The following VPS8 variants were observed in gnomAD, a reference collection of about 807,000 sequenced individuals.
The protein encoded by VPS8 is VPS8 subunit of CORVET complex, also known as vacuolar protein sorting-associated protein 8 homolog.
VPS8 carries 129 observed loss-of-function variants against 216.4 expected under a neutral mutation model. The ratio of observed to expected loss-of-function variants is 0.60; its 90% CI spans 0.52 to 0.69. The LOEUF is 0.69. Ranked by LOEUF, VPS8 falls within the 30% of genes least tolerant of loss-of-function variation. VPS8 has a pLI of 0.00. For missense variants in VPS8, 1,531 were observed against 1,683.5 expected (o/e 0.91, Z 1.59); for synonymous variants, 571 against 565.4 (o/e 1.01, Z -0.14).
intron 45 of VPS8, among the ~76,000 whole-genome samples, chr3:185,013,770 C>T (rs1421574160): frequency 6.6e-6 from 1 of 152,234 alleles, no homozygotes; most frequent in Admixed American, 6.5e-5. Context: ...CTTACCATTT[C>T]TACCATCTGA....
chr3:184,824,701 GA>G lies in VPS8; in HGVS notation c.71del (p.Asn24IlefsTer6). On this transcript the variant is annotated frameshift_variant, in exon 2 of 48. Transcript: ENST00000625842. LOFTEE classifies it high-confidence loss of function. ...GTGCCAAGACGAGCGAAGAAGAGCT[GA>G]ATAAGTCTTTCAATCTAGAAGCTTC... ...LCAKTSEEEL[N>X]KSFNLEASLS... The G allele has an allele frequency of 6.2e-7, 1 of 1,613,902 alleles. No homozygotes were observed. Among genetic ancestry groups the G allele is most frequent in the Non-Finnish European group, 8.5e-7 (1 of 1,179,864 alleles).
chr3:184,863,822 A>G (rs1212187260), intron 16 of VPS8, among the ~76,000 whole-genome samples: 1 of 152,200 alleles, frequency 6.6e-6, no homozygotes, highest in Non-Finnish European at 1.5e-5. Context: ...GTCATATTTA[A>G]TGAGTGACTA....
At chr3:184,837,747 T>C (rs1274458572) in intron 5 of VPS8, among the ~76,000 whole-genome samples, 1 of 152,156 alleles carries the variant, frequency 6.6e-6, no homozygotes, top group Non-Finnish European at 1.5e-5. Context: ...AGGACAGACA[T>C]AGAAAAGAAG....
At chr3:184,964,641 C>A in intron 38 of VPS8, 84 bp downstream of exon 38, 1 of 822,954 alleles carries the variant, frequency 1.2e-6, no homozygotes, top group Non-Finnish European at 1.7e-6. Flanking sequence ...TGTTTCAAAG[C>A]CAGTTGCAGA....
chr3:184,997,159 G>A (rs1752723763), intron 44 of VPS8, among the ~76,000 whole-genome samples: 1 of 152,186 alleles, frequency 6.6e-6, no homozygotes, highest in Admixed American at 6.5e-5. Flanking sequence ...ACATTGCAAA[G>A]AGAGAGGAAC....
At chr3:184,884,634 T>C (rs1049185769) in intron 21 of VPS8, among the ~76,000 whole-genome samples, 2 of 152,162 alleles carry the variant, frequency 1.3e-5, no homozygotes, top group Non-Finnish European at 2.9e-5. Context: ...TTTTTTTTTC[T>C]AATTTCCTTT....
At chr3:185,042,676 G>A (rs2108512969) in intron 46 of VPS8, among the ~76,000 whole-genome samples, 2 of 152,270 alleles carry the variant, frequency 1.3e-5, no homozygotes, top group Middle Eastern at 6.8e-3. Context: ...ACACTGAGAT[G>A]GCCACCCCTT....
intron 22 of VPS8, among the ~76,000 whole-genome samples, chr3:184,886,730 C>G (rs1409395850): frequency 6.6e-6 from 1 of 152,050 alleles, no homozygotes; most frequent in South Asian, 2.1e-4. Context: ...CAGGCATGCA[C>G]TGCCACACCC....
intron 36 of VPS8, among the ~76,000 whole-genome samples, chr3:184,952,607 C>G (rs1744908306): frequency 6.6e-6 from 1 of 152,032 alleles, no homozygotes; most frequent in Non-Finnish European, 1.5e-5. Context: ...ATTCAGTAAC[C>G]TATAGGAAGA....
intron 46 of VPS8, among the ~76,000 whole-genome samples, chr3:185,029,674 G>A (rs1757849470): frequency 6.6e-6 from 1 of 150,818 alleles, no homozygotes; most frequent in Non-Finnish European, 1.5e-5. Flanking sequence ...AAGCAGTTCT[G>A]CTGCTGCAGC....
intron 37 of VPS8, among the ~76,000 whole-genome samples, chr3:184,962,084 AT>A (rs901113837): frequency 2.0e-5 from 3 of 152,212 alleles, no homozygotes; most frequent in African/African-American, 7.2e-5. Context: ...TTTTTAAAAC[AT>A]TTTTATACAT....
intron 36 of VPS8, among the ~76,000 whole-genome samples, chr3:184,946,054 G>T (rs1174202279): frequency 6.6e-6 from 1 of 152,136 alleles, no homozygotes; most frequent in African/African-American, 2.4e-5. Flanking sequence ...CCAATCTTAG[G>T]TTCTACAATA....
At chr3:184,870,654 A>G (rs1728165469) in intron 20 of VPS8, 62 bp from the exon 21 acceptor site, 1 of 1,264,740 alleles carries the variant, frequency 7.9e-7, no homozygotes, top group Non-Finnish European at 1.1e-6. Flanking sequence ...GGAGAGCCAC[A>G]TACATATTGA....
chr3:184,907,887 A>C (rs1735775880), intron 25 of VPS8, among the ~76,000 whole-genome samples: 2 of 152,150 alleles, frequency 1.3e-5, no homozygotes, highest in South Asian at 4.1e-4. Context: ...CAGAGCTGCA[A>C]AGTCAGCCAT....
At chr3:184,895,751 A>G (rs1274398919) in intron 23 of VPS8, among the ~76,000 whole-genome samples, 1 of 142,928 alleles carries the variant, frequency 7.0e-6, no homozygotes, top group Non-Finnish European at 1.5e-5. Flanking sequence ...CTTGTGCCTC[A>G]GCCTTCAGAG....
chr3:184,938,923 G>A (rs552996590), intron 35 of VPS8, among the ~76,000 whole-genome samples: 7 of 151,484 alleles, frequency 4.6e-5, no homozygotes, highest in African/African-American at 1.2e-4. Context: ...CCAGCTGTAC[G>A]GGAGGCTGAG....
chr3:184,856,360 TAG>T (rs922195146), intron 14 of VPS8, among the ~76,000 whole-genome samples: 2 of 152,184 alleles, frequency 1.3e-5, no homozygotes, highest in Non-Finnish European at 2.9e-5. Flanking sequence ...TAGTATGGAC[TAG>T]AGAGAGTATT....
At chr3:184,984,371 G>A (rs1474846084) in intron 42 of VPS8, among the ~76,000 whole-genome samples, 9 of 146,218 alleles carry the variant, frequency 6.2e-5, no homozygotes, top group Non-Finnish European at 9.0e-5. Flanking sequence ...TTGGCTCACC[G>A]CAACCTCCGC....
chr3:184,839,364 G>C (rs1454874084), intron 6 of VPS8: 2 of 262,110 alleles, frequency 7.6e-6, no homozygotes, highest in African/African-American at 4.6e-5. Context: ...GAAGCTCTAG[G>C]TTGGGTAGCA....
Sources: gnomAD v4.1 joint callset for allele counts (sites outside exome capture counted in the v4.1 genomes callset) on GRCh38, gnomAD v4.1.1 for gene constraint, MANE v1.5 for transcripts, NCBI Gene and HGNC (gene_info 2026-07-23, HGNC 2026-07-21) for gene names.